ASIC2: variants seen among roughly 807,000 people sequenced by gnomAD.
ASIC2 encodes acid-sensing ion channel 2.
In ASIC2, 25 loss-of-function variants were observed where a neutral mutation model predicts 57.3. The observed-to-expected ratio is 0.44, with a 90% confidence interval of 0.32 to 0.61. The LOEUF is 0.61. Ranked by LOEUF, ASIC2 falls within the 20% of genes least tolerant of loss-of-function variation. The pLI is 0.06. For synonymous variants in ASIC2, 319 were observed against 307.5 expected, an observed-to-expected ratio of 1.04 and a Z score of -0.39; for missense variants, 641 against 738.1, an observed-to-expected ratio of 0.87 and a Z score of 1.52.
At chr17:34,099,673 AAAGAAAGAAAAGAAAGAG>A in intron 1 of ASIC2, among the ~76,000 whole-genome samples, 1 of 149,504 alleles carries the variant, frequency 6.7e-6, no homozygotes, top group South Asian at 2.1e-4. Context: ...GGAAAGAAAG[AAAGAAAGAAAAGAAAGAG>A]AAGAAAGAAA....
intron 1 of ASIC2, among the ~76,000 whole-genome samples, chr17:33,683,832 GAC>G (rs1342994865): frequency 6.6e-6 from 1 of 152,166 alleles, no homozygotes; most frequent in Non-Finnish European, 1.5e-5. Flanking sequence ...TTTTTAGAAG[GAC>G]ACAGTTACAT....
chr17:33,352,848 T>C (rs1007086871), intron 1 of ASIC2, among the ~76,000 whole-genome samples: 2 of 152,154 alleles, frequency 1.3e-5, no homozygotes, highest in Admixed American at 6.5e-5. Flanking sequence ...TTTCCCTTCC[T>C]GGCCTTCTCT....
At chr17:33,042,074 T>G (rs2091932178) in intron 3 of ASIC2, among the ~76,000 whole-genome samples, 1 of 152,234 alleles carries the variant, frequency 6.6e-6, no homozygotes, top group Admixed American at 6.5e-5. Flanking sequence ...TTTTATTGCA[T>G]CCTGCTGCAT....
intron 1 of ASIC2, among the ~76,000 whole-genome samples, chr17:33,461,737 C>T (rs978817617): frequency 6.6e-6 from 1 of 152,120 alleles, no homozygotes; most frequent in African/African-American, 2.4e-5. Context: ...ACCCCCTCCA[C>T]AGCCATTCTC....
chr17:33,227,891 T>C (rs996957113), intron 1 of ASIC2, among the ~76,000 whole-genome samples: 2 of 152,070 alleles, frequency 1.3e-5, no homozygotes, highest in East Asian at 3.9e-4. Flanking sequence ...CTAGGAAAGG[T>C]GCATATGTGA....
At chr17:34,036,428 C>T (rs903404296) in intron 1 of ASIC2, among the ~76,000 whole-genome samples, 10 of 150,198 alleles carry the variant, frequency 6.7e-5, no homozygotes, top group East Asian at 2.0e-4. Flanking sequence ...TGTTAAATGA[C>T]GAGTTAATGG....
At chr17:33,136,217 T>C (rs2092366562) in intron 1 of ASIC2, among the ~76,000 whole-genome samples, 1 of 152,232 alleles carries the variant, frequency 6.6e-6, no homozygotes, top group African/African-American at 2.4e-5. Flanking sequence ...CACATTTGTG[T>C]GTTGATTCAT....
At chr17:33,402,432 C>A (rs896912772) in intron 1 of ASIC2, among the ~76,000 whole-genome samples, 1 of 152,176 alleles carries the variant, frequency 6.6e-6, no homozygotes, top group East Asian at 1.9e-4. Flanking sequence ...TTCCCTAATG[C>A]TCTTCCTGCC....
intron 1 of ASIC2, among the ~76,000 whole-genome samples, chr17:33,238,063 C>T (rs188628034): frequency 1.3e-5 from 2 of 152,316 alleles, no homozygotes; most frequent in East Asian, 3.9e-4. Context: ...GAAGCTAGAG[C>T]CACTCAGCAA....
At chr17:34,099,509 GAAGAGA>G (rs1567821346) in intron 1 of ASIC2, among the ~76,000 whole-genome samples, 1 of 119,710 alleles carries the variant, frequency 8.4e-6, no homozygotes, top group Non-Finnish European at 1.6e-5. Flanking sequence ...AAAGAGGAAA[GAAGAGA>G]AAGAAAAAGA....
chr17:33,388,803 T>C (rs956217293), intron 1 of ASIC2, among the ~76,000 whole-genome samples: 3 of 152,226 alleles, frequency 2.0e-5, no homozygotes, highest in African/African-American at 7.2e-5. Flanking sequence ...CACTTCTTGC[T>C]CACACAAAGT....
intron 1 of ASIC2, among the ~76,000 whole-genome samples, chr17:33,791,428 G>A (rs553529495): frequency 2.0e-5 from 3 of 152,266 alleles, no homozygotes; most frequent in Non-Finnish European, 4.4e-5. Flanking sequence ...TAGAAGTCTC[G>A]CCATGACCCT....
intron 4 of ASIC2, 68 bp downstream of exon 4, chr17:33,028,174 G>T: frequency 6.4e-7 from 1 of 1,558,324 alleles, no homozygotes; most frequent in Non-Finnish European, 8.8e-7. Context: ...TTCCCATTAG[G>T]ATGAGAAATG....
chr17:33,843,589 CT>C (rs1382333538), intron 1 of ASIC2, among the ~76,000 whole-genome samples: 2 of 152,336 alleles, frequency 1.3e-5, no homozygotes, highest in African/African-American at 2.4e-5. Flanking sequence ...CTATTTTCTT[CT>C]GCTTACAGAG....
At chr17:33,401,802 G>A (rs1329871934) in intron 1 of ASIC2, among the ~76,000 whole-genome samples, 1 of 152,126 alleles carries the variant, frequency 6.6e-6, no homozygotes, top group Non-Finnish European at 1.5e-5. Context: ...ACAGGACTTG[G>A]CAGGCCTGGA....
At chr17:34,153,595 G>A (rs1904607761) in intron 1 of ASIC2, among the ~76,000 whole-genome samples, 1 of 152,224 alleles carries the variant, frequency 6.6e-6, no homozygotes, top group Admixed American at 6.5e-5. Flanking sequence ...CAGCATTGCT[G>A]CCCACTGTGC....
At chr17:33,197,700 T>A (rs901976920) in intron 1 of ASIC2, among the ~76,000 whole-genome samples, 2 of 152,178 alleles carry the variant, frequency 1.3e-5, no homozygotes, top group African/African-American at 2.4e-5. Flanking sequence ...TCCCTTACAG[T>A]TTAAGACACA....
At chr17:33,266,246 C>T (rs146036198) in intron 1 of ASIC2, among the ~76,000 whole-genome samples, 2 of 152,216 alleles carry the variant, frequency 1.3e-5, no homozygotes, top group Admixed American at 6.5e-5. Context: ...ATCCTCCCCC[C>T]ATCCAGAACA....
intron 1 of ASIC2, among the ~76,000 whole-genome samples, chr17:33,330,620 G>A (rs1211853613): frequency 2.0e-5 from 3 of 152,102 alleles, no homozygotes; most frequent in Non-Finnish European, 4.4e-5. Flanking sequence ...CTGTCTCTAC[G>A]ACTCTAAGTC....
Sources: allele counts gnomAD v4.1 joint callset (sites outside exome capture counted in the v4.1 genomes callset), GRCh38; gene constraint gnomAD v4.1.1; transcripts MANE v1.5; gene names NCBI Gene and HGNC (gene_info 2026-07-23, HGNC 2026-07-21).